The following DPP6 variants were observed in gnomAD, a reference collection of about 807,000 sequenced individuals.
DPP6 encodes the protein dipeptidyl peptidase like 6.
Under a neutral mutation model 122.6 loss-of-function variants are expected in DPP6, and 69 were observed. That is an observed-to-expected ratio of 0.56 (90% CI 0.46 to 0.69). DPP6 has a LOEUF of 0.69. Ranked by LOEUF, DPP6 falls within the 30% of genes least tolerant of loss-of-function variation. The probability of loss-of-function intolerance (pLI) is 0.00; values close to 1 mark genes in which losing one functional copy is unlikely to be tolerated. For synonymous variants in DPP6, 418 were observed against 433.1 expected (o/e 0.97, Z 0.43); for missense variants, 928 against 1,116.9 (o/e 0.83, Z 2.41).
At chr7:154,309,939 TAG>T (rs1347406908) in intron 1 of DPP6, among the ~76,000 whole-genome samples, 9 of 151,996 alleles carry the variant, frequency 5.9e-5, no homozygotes, top group African/African-American at 1.9e-4. Flanking sequence ...TAAGACTCTG[TAG>T]ATAAAAAGAA....
At chr7:154,047,679 T>C (rs1185041520), upstream of DPP6, among the ~76,000 whole-genome samples, 4 of 152,128 alleles carry the variant, frequency 2.6e-5, no homozygotes, top group Non-Finnish European at 5.9e-5. Context: ...TGAGGCAATG[T>C]TGGTAGCACA....
rs529375472 is a variant in DPP6 at position 154,757,030 on chromosome 7, A to G, written c.884-12387A>G. On this transcript the variant is annotated intron_variant, in intron 8 of 25. Transcript: ENST00000377770. Reference sequence around the variant, plus strand: ...CAGGCCAGCCCCTTCTTCATCTTTCACGGCCCCTGAGGAACAGGCCAGCCT... The same window carrying G: ...CAGGCCAGCCCCTTCTTCATCTTTCGCGGCCCCTGAGGAACAGGCCAGCCT... Among the ~76,000 whole-genome samples, 6 of 148,560 alleles carry G rather than the reference A, an allele frequency of 4.0e-5. No individual in the cohort carries two copies. The South Asian group carries it at 1.3e-3, about 33-fold the overall frequency.
Position 154,680,689 on chromosome 7 carries a change from T to A in DPP6, c.762+11248T>A, listed in dbSNP as rs1222031175. On this transcript the variant is annotated intron_variant, in intron 7 of 25. Coordinates refer to ENST00000377770, the MANE Select transcript of DPP6 (RefSeq NM_130797.4). ...GTTAAAGCAACATTATATATATATTTTTTTTAAAAAAAAATTAAAAAGAGA... is the reference window on the plus strand; with the variant it reads ...GTTAAAGCAACATTATATATATATTATTTTTAAAAAAAAATTAAAAAGAGA... Among the ~76,000 whole-genome samples, 93 of 58,552 alleles carry A rather than the reference T, an allele frequency of 1.6e-3. 1 individual carries two copies. Among genetic ancestry groups the A allele is most frequent in the African/African-American group, 4.2e-3 (91 of 21,774 alleles). The allele number at this position is 58,552 out of a possible 152,430, so 38.4% of individuals were successfully genotyped here.
At chr7:153,998,003 C>G (rs1331900648) in intron 1 of DPP6, among the ~76,000 whole-genome samples, 1 of 151,442 alleles carries the variant, frequency 6.6e-6, no homozygotes, top group Non-Finnish European at 1.5e-5. Flanking sequence ...AAGAAAGGTC[C>G]AGCACCATCA....
At chr7:154,435,615 G>A (rs992286681) in intron 1 of DPP6, among the ~76,000 whole-genome samples, 8 of 152,150 alleles carry the variant, frequency 5.3e-5, no homozygotes, top group African/African-American at 1.7e-4. Flanking sequence ...GATTATTGAC[G>A]GACACGTGTC....
intron 1 of DPP6, among the ~76,000 whole-genome samples, chr7:154,200,219 G>T (rs902483150): frequency 4.6e-5 from 7 of 151,886 alleles, no homozygotes; most frequent in Non-Finnish European, 7.4e-5. Context: ...TTTTATTGAT[G>T]CATAATCAAT....
At chr7:154,093,582 A>G (rs1262583824) in intron 1 of DPP6, 2 of 148,522 alleles carry the variant, frequency 1.3e-5, no homozygotes, top group East Asian at 4.0e-4. Flanking sequence ...CACCACAAAC[A>G]CACACACACC....
At chr7:154,602,992 GT>G (rs141722649) in intron 5 of DPP6, among the ~76,000 whole-genome samples, 73,354 of 117,434 alleles carry the variant, frequency 0.62, 31,748 homozygotes, top group Non-Finnish European at 0.83. Flanking sequence ...ATTTTTTAAA[GT>G]TTTTTTGCTA....
chr7:154,060,368 G>GT (rs1801589091), intron 1 of DPP6, among the ~76,000 whole-genome samples: 3 of 109,224 alleles, frequency 2.7e-5, no homozygotes, highest in African/African-American at 1.1e-4. Flanking sequence ...CTGAGAGCCA[G>GT]CCCCTGGTTC....
chr7:153,965,714 T>C (rs28532092), intron 1 of DPP6, among the ~76,000 whole-genome samples: 14,102 of 151,502 alleles, frequency 0.093, 882 homozygotes, highest in Middle Eastern at 0.19. Flanking sequence ...GGGTTTCACC[T>C]GTGCGGTGGC....
intron 6 of DPP6, among the ~76,000 whole-genome samples, chr7:154,644,998 CCATGG>C (rs1433639150): frequency 6.6e-6 from 1 of 151,444 alleles, no homozygotes; most frequent in Non-Finnish European, 1.5e-5. Flanking sequence ...TGTGTCTGTA[CCATGG>C]CATTGAAGAG....
intron 1 of DPP6, among the ~76,000 whole-genome samples, chr7:154,275,325 T>G (rs948138224): frequency 6.6e-6 from 1 of 152,170 alleles, no homozygotes; most frequent in Non-Finnish European, 1.5e-5. Flanking sequence ...CCCATGGGTT[T>G]CCCTTGAAAC....
At chr7:154,829,386 G>C (rs1428670427) in intron 16 of DPP6, among the ~76,000 whole-genome samples, 1 of 132,586 alleles carries the variant, frequency 7.5e-6, no homozygotes, top group African/African-American at 2.7e-5. Context: ...CTATAAGAAA[G>C]AAAAAGGAAA....
At chr7:154,150,190 C>T (rs370556373) in intron 1 of DPP6, among the ~76,000 whole-genome samples, 1 of 152,048 alleles carries the variant, frequency 6.6e-6, no homozygotes. Flanking sequence ...GACATTTCAC[C>T]TTCAATTTGG....
In DPP6 at chr7:154,892,354, T is replaced by G; in HGVS notation, c.2472T>G (p.His824Gln). 6.2e-7 allele frequency: 1 copy of G among 1,613,998 alleles called. No individual in the cohort carries two copies. Among genetic ancestry groups the G allele is most frequent in the Non-Finnish European group, 8.5e-7 (1 of 1,179,884 alleles). ...TGCAGATTTACCCGGACGAAAGCCATTACTTTACCAGCTCCAGCCTCAAAC... is the reference window on the plus strand; with the variant it reads ...TGCAGATTTACCCGGACGAAAGCCAGTACTTTACCAGCTCCAGCCTCAAAC... The part of the protein sequence containing the change: ...YSLQIYPDES[H>Q]YFTSSSLKQH... The change falls in exon 26 of 26, where the codon CAT becomes CAG. Residue 824 changes from histidine (H) to glutamine (Q), a missense_variant. Physicochemically the swap from His to Gln is conservative, Grantham distance 24. Coordinates refer to ENST00000377770, the MANE Select transcript of DPP6 (RefSeq NM_130797.4).
intron 2 of DPP6, among the ~76,000 whole-genome samples, chr7:154,450,861 A>G (rs1274408217): frequency 6.6e-6 from 1 of 152,184 alleles, no homozygotes; most frequent in Non-Finnish European, 1.5e-5. Flanking sequence ...GGGTCTGTGG[A>G]GCATGTGTTT....
chr7:154,816,534 A>G (rs910516576), intron 16 of DPP6, among the ~76,000 whole-genome samples: 1 of 152,206 alleles, frequency 6.6e-6, no homozygotes, highest in African/African-American at 2.4e-5. Context: ...GGCTGTTTTG[A>G]AGATTAACCT....
At chr7:154,342,908 A>G (rs1027273435) in intron 1 of DPP6, among the ~76,000 whole-genome samples, 1 of 152,226 alleles carries the variant, frequency 6.6e-6, no homozygotes, top group African/African-American at 2.4e-5. Context: ...CAATGTATTT[A>G]TAGTAGGATA....
chr7:154,374,907 C>T (rs557843210), intron 1 of DPP6, among the ~76,000 whole-genome samples: 11 of 152,178 alleles, frequency 7.2e-5, no homozygotes, highest in African/African-American at 1.2e-4. Context: ...CCACCGCGCC[C>T]GGCCGACATT....
Sources: gnomAD v4.1 joint callset for allele counts (sites outside exome capture counted in the v4.1 genomes callset) on GRCh38, gnomAD v4.1.1 for gene constraint, MANE v1.5 for transcripts, NCBI Gene and HGNC (gene_info 2026-07-23, HGNC 2026-07-21) for gene names.